PCNX2: variants seen among roughly 807,000 people sequenced by gnomAD.
The protein encoded by PCNX2 is pecanex 2.
Under a neutral mutation model 223.8 loss-of-function variants are expected in PCNX2, and 168 were observed. The observed-to-expected ratio is 0.75, with a 90% CI of 0.66 to 0.85. The LOEUF is 0.85. PCNX2 is among the 40% of genes least tolerant of loss of function. The probability of loss-of-function intolerance (pLI) is 0.00; values close to 1 mark genes in which losing one functional copy is unlikely to be tolerated. For synonymous variants in PCNX2, 1,006 were observed against 1,052.6 expected, an observed-to-expected ratio of 0.96 and a Z score of 0.86; for missense variants, 2,507 against 2,675.5, an observed-to-expected ratio of 0.94 and a Z score of 1.39.
At chr1:233,050,165 C>G (rs1671949448) in intron 25 of PCNX2, among the ~76,000 whole-genome samples, 1 of 151,870 alleles carries the variant, frequency 6.6e-6, no homozygotes, top group African/African-American at 2.4e-5. Flanking sequence ...TGCAGCAAAC[C>G]ATCATGGCAC....
At chr1:233,261,169 C>A in intron 4 of PCNX2, 116 bp downstream of exon 4, 2 of 887,494 alleles carry the variant, frequency 2.3e-6, no homozygotes, top group South Asian at 1.6e-5. Context: ...TATAACTATG[C>A]AGTCTTAGGT....
rs201078893 is a variant in PCNX2 at position 233,000,439 on chromosome 1, C to G, written c.5194G>C (p.Asp1732His). 9.4e-6 allele frequency: 15 copies of G among 1,599,048 alleles called. No individual in the cohort carries two copies. In the African/African-American group the frequency reaches 1.5e-4, roughly 16 times the overall value. ...EKKVVICHEG[D>H]PAWRGAVLSN... ...AGCACTGCGCCCCGCCAGGCCGGGT[C>G]GCCCTCGTGGCAGATGACCACCTTC... The change falls in exon 30 of 34, where the codon GAC becomes CAC. Residue 1732 changes from aspartate (D) to histidine (H), a missense_variant. Physicochemically the swap from Asp to His is moderately conservative, Grantham distance 81 (BLOSUM62 -1). This residue lies in a region of PCNX2 where 1,372 missense variants were observed against 1,509.4 expected (regional missense o/e 0.91). Transcript: ENST00000258229. This position sits in a 1 kb window ranked among gnomAD's most constrained non-coding sequence, Gnocchi z 4.6.
chr1:233,167,330 A>T (rs968902057), intron 17 of PCNX2, among the ~76,000 whole-genome samples: 1 of 151,026 alleles, frequency 6.6e-6, no homozygotes, highest in South Asian at 2.1e-4. Context: ...TTTTATGTAG[A>T]ATCTAAAGAG....
intron 19 of PCNX2, among the ~76,000 whole-genome samples, chr1:233,146,282 G>A (rs1370157584): frequency 4.6e-5 from 7 of 152,202 alleles, no homozygotes; most frequent in East Asian, 1.9e-4. Context: ...GTCTGCCAGA[G>A]AGTTGGGGTT....
At chr1:233,324,123 A>C in the PCNX2 span, among the ~76,000 whole-genome samples, 1 of 152,220 alleles carries the variant, frequency 6.6e-6, no homozygotes, top group Non-Finnish European at 1.5e-5. Context: ...CAAGGCCTTA[A>C]CTCTCTTCAA....
At chr1:233,256,699 C>T (rs965473001) in intron 5 of PCNX2, among the ~76,000 whole-genome samples, 6 of 152,178 alleles carry the variant, frequency 3.9e-5, no homozygotes, top group Admixed American at 3.9e-4. Context: ...TTTTATTGGA[C>T]AGTGCTAGCC....
intron 8 of PCNX2, among the ~76,000 whole-genome samples, chr1:233,243,753 C>T (rs1658925247): frequency 6.6e-6 from 1 of 152,190 alleles, no homozygotes; most frequent in Non-Finnish European, 1.5e-5. Flanking sequence ...AAGACAGTAA[C>T]AACAGCTAAC....
chr1:233,219,693 TAC>T (rs1657253766), intron 10 of PCNX2, among the ~76,000 whole-genome samples: 1 of 152,108 alleles, frequency 6.6e-6, no homozygotes, highest in Non-Finnish European at 1.5e-5. Context: ...GAGGGGAAAG[TAC>T]AGAGTTCCCA....
chr1:233,303,715 G>A, the PCNX2 span, among the ~76,000 whole-genome samples: 23 of 152,072 alleles, frequency 1.5e-4, no homozygotes, highest in East Asian at 3.7e-3. Context: ...ATATGTATAC[G>A]TGTGCCATGT....
At chr1:233,289,191 T>G in intron 1 of PCNX2, 1 of 841,550 alleles carries the variant, frequency 1.2e-6, no homozygotes, top group Non-Finnish European at 2.1e-6. Flanking sequence ...CCCACTGAAC[T>G]TTTTCTCCAA....
chr1:233,319,346 AG>A, the PCNX2 span, among the ~76,000 whole-genome samples: 1 of 152,234 alleles, frequency 6.6e-6, no homozygotes, highest in Non-Finnish European at 1.5e-5. Flanking sequence ...CTGCTCCCGC[AG>A]GTAGATTAGA....
intron 17 of PCNX2, among the ~76,000 whole-genome samples, chr1:233,169,538 G>A (rs1369061191): frequency 6.6e-6 from 1 of 150,844 alleles, no homozygotes; most frequent in Non-Finnish European, 1.5e-5. Flanking sequence ...CCAGCTACAC[G>A]GGAGGCTGAG....
chr1:233,166,205 T>A (rs1053868347), intron 17 of PCNX2, among the ~76,000 whole-genome samples: 8 of 151,776 alleles, frequency 5.3e-5, no homozygotes, highest in Non-Finnish European at 8.8e-5. Flanking sequence ...ATAAATAAAT[T>A]AAATTAAACA....
chr1:233,292,202 C>CTTTTTTTTT (rs963996089), intron 1 of PCNX2, among the ~76,000 whole-genome samples: 108 of 109,486 alleles, frequency 9.9e-4, no homozygotes, highest in Non-Finnish European at 1.2e-3. Context: ...TTCTTTCTTT[C>CTTTTTTTTT]TTTTTTTTTT....
At chr1:233,216,939 G>A (rs918166057) in intron 12 of PCNX2, among the ~76,000 whole-genome samples, 3 of 152,102 alleles carry the variant, frequency 2.0e-5, no homozygotes, top group African/African-American at 7.2e-5. Flanking sequence ...GACATTATTA[G>A]GTTAAGTGAA....
intron 21 of PCNX2, among the ~76,000 whole-genome samples, chr1:233,103,697 A>C (rs1674617341): frequency 6.6e-6 from 1 of 152,260 alleles, no homozygotes; most frequent in East Asian, 1.9e-4. Flanking sequence ...TGGACACCTC[A>C]GTTGCTTCCA....
At chr1:233,302,075 G>A in the PCNX2 span, among the ~76,000 whole-genome samples, 1 of 151,922 alleles carries the variant, frequency 6.6e-6, no homozygotes, top group Non-Finnish European at 1.5e-5. Context: ...GGATTATAGT[G>A]AACCACTGCG....
At chr1:233,235,957 AATATATATATATAT>A (rs1553319644) in intron 9 of PCNX2, among the ~76,000 whole-genome samples, 1 of 93,114 alleles carries the variant, frequency 1.1e-5, no homozygotes, top group East Asian at 2.7e-4. Flanking sequence ...CATAAAAAAA[AATATATATATATAT>A]ATATATATAT....
At position 233,263,010 on chromosome 1, in the gene PCNX2, T is replaced by C. The variant is rs1209982488; in HGVS notation, c.307A>G (p.Asn103Asp). The change falls in exon 2 of 34, where the codon AAT (asparagine) becomes GAT (aspartate). Residue 103 changes from asparagine (N) to aspartate (D), a missense_variant. Asn to Asp is a conservative substitution (Grantham distance 23, BLOSUM62 1). This residue lies in a region of PCNX2 where 1,031 missense variants were observed against 1,021.7 expected (regional missense o/e 1.01). Transcript: ENST00000258229. ...TCACCTTTGGCCTCCTTGTCTTTAT[T>C]TGGCTTTTCTTCCTTTCTGGAGGGC... ...QKPSRKEEKP[N>D]KDKEAKGEHI... The C allele has an allele frequency of 1.2e-6, 2 of 1,613,766 alleles. No individual in the cohort carries two copies. The highest frequency in any genetic ancestry group is 2.2e-5 in the South Asian group (2 of 91,078).
Sources: allele counts gnomAD v4.1 joint callset (sites outside exome capture counted in the v4.1 genomes callset), GRCh38; gene constraint gnomAD v4.1.1; regional missense constraint gnomAD v4.1.1; non-coding constraint Gnocchi (gnomAD v3.1); transcripts MANE v1.5; gene names NCBI Gene and HGNC (gene_info 2026-07-23, HGNC 2026-07-21).